The following GLMN variants were observed in gnomAD, a reference collection of about 807,000 sequenced individuals.
GLMN encodes the protein glomulin.
A neutral mutation model predicts 87.8 loss-of-function variants in GLMN; 75 were observed. The ratio of observed to expected loss-of-function variants is 0.85; its 90% CI spans 0.71 to 1.04. The LOEUF (loss-of-function observed/expected upper bound fraction) is 1.04, where lower values mean the gene tolerates loss of function less well. Among genes scored for constraint, GLMN ranks in the 50% least tolerant of loss-of-function variants. The pLI is 0.00. For missense variants in GLMN, 588 were observed against 658.8 expected (o/e 0.89, Z 1.18); for synonymous variants, 206 against 221.6 (o/e 0.93, Z 0.63).
At chr1:92,334,719 G>A in the GLMN span, among the ~76,000 whole-genome samples, 1 of 152,036 alleles carries the variant, frequency 6.6e-6, no homozygotes, top group African/African-American at 2.4e-5. Flanking sequence ...GAGTGCAGTG[G>A]CTCACACCTG....
At chr1:92,270,708 G>A (rs1656152350) in intron 8 of GLMN, among the ~76,000 whole-genome samples, 1 of 152,012 alleles carries the variant, frequency 6.6e-6, no homozygotes, top group South Asian at 2.1e-4. Context: ...AATAAACATT[G>A]TGGGAAAAGA....
At chr1:92,252,405 A>T (rs1258455996) in intron 16 of GLMN, among the ~76,000 whole-genome samples, 1 of 152,202 alleles carries the variant, frequency 6.6e-6, no homozygotes, top group Non-Finnish European at 1.5e-5. Flanking sequence ...AAAGGAAAAA[A>T]AAATTAATAT....
At chr1:92,272,488 A>G (rs572238781) in intron 7 of GLMN, among the ~76,000 whole-genome samples, 3 of 152,222 alleles carry the variant, frequency 2.0e-5, no homozygotes, top group Non-Finnish European at 4.4e-5. Flanking sequence ...AATTTTATGT[A>G]TATTTCACCA....
At chr1:92,366,224 G>A in the GLMN span, among the ~76,000 whole-genome samples, 26 of 152,166 alleles carry the variant, frequency 1.7e-4, no homozygotes, top group Non-Finnish European at 1.5e-5. Context: ...GATTGCTTGA[G>A]CCCAGGAGTT....
chr1:92,269,598 C>A, intron 9 of GLMN, 125 bp downstream of exon 9: 1 of 712,124 alleles, frequency 1.4e-6, no homozygotes, highest in Admixed American at 2.1e-5. Context: ...ATTTGCCTCG[C>A]TGTTTTATAA....
At chr1:92,337,213 T>C in the GLMN span, among the ~76,000 whole-genome samples, 1 of 152,142 alleles carries the variant, frequency 6.6e-6, no homozygotes, top group South Asian at 2.1e-4. Flanking sequence ...TATTTATTAT[T>C]ATAGTCTATT....
At chr1:92,351,387 C>A in the GLMN span, among the ~76,000 whole-genome samples, 3 of 150,190 alleles carry the variant, frequency 2.0e-5, no homozygotes, top group Admixed American at 6.7e-5. Flanking sequence ...CAAAGTATAT[C>A]ATATTTGTTT....
At chr1:92,328,067 T>C in the GLMN span, among the ~76,000 whole-genome samples, 1 of 152,230 alleles carries the variant, frequency 6.6e-6, no homozygotes, top group Admixed American at 6.5e-5. Flanking sequence ...TCTGATGCTT[T>C]TGCCTCACTG....
intron 7 of GLMN, among the ~76,000 whole-genome samples, chr1:92,272,400 G>A (rs914359560): frequency 4.6e-5 from 7 of 152,114 alleles, no homozygotes; most frequent in African/African-American, 2.4e-5. Context: ...CAGCAAAATC[G>A]TATTTTACAT....
chr1:92,357,694 G>A, the GLMN span, among the ~76,000 whole-genome samples: 1 of 152,144 alleles, frequency 6.6e-6, no homozygotes, highest in African/African-American at 2.4e-5. Context: ...ACCACACCCA[G>A]CTAATTTTTG....
At chr1:92,320,963 T>C in the GLMN span, among the ~76,000 whole-genome samples, 1 of 152,148 alleles carries the variant, frequency 6.6e-6, no homozygotes, top group African/African-American at 2.4e-5. Context: ...TGTTGAAAGG[T>C]TTTTACAGTC....
chr1:92,271,217 C>T (rs1418679321), intron 8 of GLMN, among the ~76,000 whole-genome samples: 1 of 152,074 alleles, frequency 6.6e-6, no homozygotes, highest in Non-Finnish European at 1.5e-5. Flanking sequence ...AAAACCAAGC[C>T]CTGTTTATCA....
rs534771217 is a variant in GLMN, at chr1:92,291,321, T to C, written c.285+97A>G. 3,582 of 1,130,082 alleles carry C rather than the reference T, an allele frequency of 3.2e-3. 26 individuals are homozygous for C. Among genetic ancestry groups the C allele is most frequent in the Middle Eastern group, 0.011 (47 of 4,106 alleles). 70.0% of individuals were successfully genotyped at this position (1,130,082 alleles called of 1,614,324 possible). A position where few individuals can be genotyped will look rare whatever the true frequency, so the allele number is the denominator to read the frequency against. Reference sequence around the variant, plus strand: ...GAGTTCCTTTCTGCATGTACTTTCATGAACCAAAAGCTTTCTTACCAAACA... The same window carrying C: ...GAGTTCCTTTCTGCATGTACTTTCACGAACCAAAAGCTTTCTTACCAAACA... On this transcript the variant is annotated intron_variant, in intron 4 of 18. Coordinates refer to ENST00000370360, the MANE Select transcript of GLMN (RefSeq NM_053274.3).
At chr1:92,337,366 A>G in the GLMN span, among the ~76,000 whole-genome samples, 2 of 152,142 alleles carry the variant, frequency 1.3e-5, no homozygotes, top group African/African-American at 4.8e-5. Context: ...TAAACTGGCA[A>G]ATTTAAAAAC....
At chr1:92,295,599 T>A (rs1649956549) in intron 3 of GLMN, among the ~76,000 whole-genome samples, 1 of 152,276 alleles carries the variant, frequency 6.6e-6, no homozygotes, top group Admixed American at 6.5e-5. Context: ...TGCCTCTCCC[T>A]CTCAATCAAG....
rs569842476 is a variant in GLMN, at chr1:92,289,011, C to A, written c.535G>T (p.Ala179Ser). 1 of 1,611,882 alleles carries A rather than the reference C, an allele frequency of 6.2e-7. No homozygotes were observed. The highest frequency in any genetic ancestry group is 2.2e-5 in the East Asian group (1 of 44,840). Reference protein sequence around the residue: ...DDYGLCQCCKALIEFTKPFVE... With the variant: ...DDYGLCQCCKSLIEFTKPFVE... Reference sequence around the variant, plus strand: ...AAAGGCTTAGTGAACTCTATTAAGGCCTTGCAACACTGACAAAGGCCATAG... The same window carrying A: ...AAAGGCTTAGTGAACTCTATTAAGGACTTGCAACACTGACAAAGGCCATAG... The change falls in exon 6 of 19, where the codon GCC (alanine) becomes TCC (serine). Residue 179 changes from alanine to serine, a missense_variant. Ala to Ser is a moderately conservative substitution (Grantham distance 99). Transcript: ENST00000370360.
chr1:92,303,970 A>C (rs1369873379), upstream of GLMN: 6 of 1,589,338 alleles, frequency 3.8e-6, no homozygotes, highest in Non-Finnish European at 5.1e-6. Flanking sequence ...CTCTCATTTC[A>C]TTTTAGGGGA....
At chr1:92,341,794 G>A in the GLMN span, among the ~76,000 whole-genome samples, 5 of 152,044 alleles carry the variant, frequency 3.3e-5, no homozygotes, top group Non-Finnish European at 5.9e-5. Flanking sequence ...ACAGGCATGC[G>A]CCACCACACC....
intron 7 of GLMN, among the ~76,000 whole-genome samples, chr1:92,285,584 G>A (rs1330161252): frequency 6.6e-6 from 1 of 152,166 alleles, no homozygotes; most frequent in Non-Finnish European, 1.5e-5. Context: ...TGCACGTTGT[G>A]CACATGTACC....
Sources: allele counts gnomAD v4.1 joint callset (sites outside exome capture counted in the v4.1 genomes callset), GRCh38; gene constraint gnomAD v4.1.1; transcripts MANE v1.5; gene names NCBI Gene and HGNC (gene_info 2026-07-23, HGNC 2026-07-21).